GSAP: variants seen among roughly 807,000 people sequenced by gnomAD.
GSAP encodes gamma-secretase activating protein.
GSAP carries 118 observed loss-of-function variants against 131.7 expected under a neutral mutation model. The observed-to-expected ratio is 0.90, with a 90% CI of 0.77 to 1.04. The LOEUF (loss-of-function observed/expected upper bound fraction) is 1.04. Among genes scored for constraint, GSAP ranks in the 50% least tolerant of loss-of-function variants. The pLI is 0.00. For missense variants in GSAP, 1,019 were observed against 1,013.2 expected (o/e 1.01, Z -0.08); for synonymous variants, 381 against 363.4 (o/e 1.05, Z -0.55).
intron 5 of GSAP, among the ~76,000 whole-genome samples, chr7:77,388,226 T>C (rs1379844968): frequency 4.6e-5 from 7 of 152,248 alleles, no homozygotes; most frequent in Admixed American, 4.6e-4. Flanking sequence ...ATTTTTAGCA[T>C]AGCTCCACAA....
chr7:77,384,395 G>C (rs1798240168), intron 6 of GSAP, among the ~76,000 whole-genome samples: 2 of 152,216 alleles, frequency 1.3e-5, no homozygotes, highest in Non-Finnish European at 2.9e-5. Context: ...GGTGGTCCTA[G>C]AGTAAGGCCT....
Position 77,399,543 on chromosome 7 carries a change from T to G in GSAP, c.244-2128A>C, listed in dbSNP as rs1386997181. On this transcript the variant is annotated intron_variant, in intron 3 of 30. Transcript: ENST00000257626. ...TATGCACTACCAGGGAAGTCCTACA[T>G]GACAGAAGGTGGGAGAAAGAGGTAG... Among the ~76,000 whole-genome samples the G allele has an allele frequency of 2.6e-5, 4 of 152,126 alleles. No individual in the cohort carries two copies. In the South Asian group the frequency reaches 8.3e-4, roughly 32 times the overall value.
intron 7 of GSAP, 127 bp downstream of exon 7, chr7:77,382,447 T>C (rs1375377508): frequency 1.4e-5 from 8 of 582,076 alleles, no homozygotes; most frequent in South Asian, 6.8e-5. Flanking sequence ...AGGTCTCATA[T>C]GGACATCAAA....
chr7:77,377,399 G>C lies in GSAP; in HGVS notation c.577-9C>G. On this transcript the variant is annotated splice_polypyrimidine_tract_variant and intron_variant, in intron 8 of 30. Transcript: ENST00000257626. Reference sequence around the variant, plus strand: ...CCAGAATTTTTAATCACCTAAAAATGCAAAAAAAAAAAAAAAAAAAAAAGT... The same window carrying C: ...CCAGAATTTTTAATCACCTAAAAATCCAAAAAAAAAAAAAAAAAAAAAAGT... 1.1e-6 allele frequency: 1 copy of C among 948,212 alleles called. No homozygotes were observed. Among genetic ancestry groups the C allele is most frequent in the Admixed American group, 8.2e-5 (1 of 12,254 alleles). The allele number at this position is 948,212 out of a possible 1,614,324, so 58.7% of individuals were successfully genotyped here.
intron 22 of GSAP, chr7:77,328,133 C>T: frequency 2.5e-6 from 2 of 799,988 alleles, no homozygotes; most frequent in Non-Finnish European, 3.0e-6. Flanking sequence ...GCTCTCAAGC[C>T]TGTGCTCTTT....
chr7:77,385,784 T>TC (rs1043610596), intron 6 of GSAP, among the ~76,000 whole-genome samples: 1 of 151,990 alleles, frequency 6.6e-6, no homozygotes, highest in Admixed American at 6.6e-5. Flanking sequence ...GACAACCCTC[T>TC]CCCCTAACCC....
intron 5 of GSAP, among the ~76,000 whole-genome samples, chr7:77,390,128 G>A (rs982464522): frequency 5.9e-5 from 9 of 152,028 alleles, no homozygotes; most frequent in Non-Finnish European, 1.3e-4. Context: ...TTTTTGATGG[G>A]GTTGTTTGTT....
intron 19 of GSAP, among the ~76,000 whole-genome samples, chr7:77,346,393 C>T (rs1451509789): frequency 4.0e-5 from 6 of 149,354 alleles, no homozygotes; most frequent in Admixed American, 4.0e-4. Context: ...AACAGAAGAA[C>T]AATTGAGTTA....
intron 19 of GSAP, among the ~76,000 whole-genome samples, chr7:77,338,101 G>C (rs1790300502): frequency 6.6e-6 from 1 of 152,154 alleles, no homozygotes; most frequent in African/African-American, 2.4e-5. Flanking sequence ...GGAGGTCGAG[G>C]CTGCAGTGAG....
rs56314229 is a variant in GSAP, at chr7:77,377,400, CAAAA to C, written c.577-14_577-11del. ...CAGAATTTTTAATCACCTAAAAATG[CAAAA>C]AAAAAAAAAAAAAAAAAAGTATGAA... On this transcript the variant is annotated splice_polypyrimidine_tract_variant and intron_variant, in intron 8 of 30. Coordinates refer to ENST00000257626, the MANE Select transcript of GSAP (RefSeq NM_017439.4). 0.067 allele frequency: 77,058 copies of C among 1,152,898 alleles called. 48 individuals carry two copies. The highest frequency in any genetic ancestry group is 0.11 in the South Asian group (5,837 of 54,170). 71.4% of individuals were successfully genotyped at this position (1,152,898 alleles called of 1,614,324 possible). A position where few individuals can be genotyped will look rare whatever the true frequency, so the allele number is the denominator to read the frequency against.
At chr7:77,415,648 T>C (rs1397686974) in intron 1 of GSAP, 1 of 152,304 alleles carries the variant, frequency 6.6e-6, no homozygotes, top group African/African-American at 2.4e-5. Flanking sequence ...CCTGCCCTCT[T>C]GCGCCTCACC....
intron 19 of GSAP, among the ~76,000 whole-genome samples, chr7:77,344,133 C>A (rs1482501533): frequency 6.6e-6 from 1 of 152,168 alleles, no homozygotes; most frequent in Non-Finnish European, 1.5e-5. Flanking sequence ...GTCATTTCTT[C>A]CCTTCTGTCA....
Position 77,329,392 on chromosome 7 carries a change from C to G in GSAP, c.1675-1G>C. The G allele has an allele frequency of 1.3e-6, 2 of 1,572,496 alleles. No homozygotes were observed. Among genetic ancestry groups the G allele is most frequent in the South Asian group, 1.2e-5 (1 of 84,264 alleles). ...CCGCAGACCTTCTTTTTCCTGTTTT[C>G]TAGGAGTGAGAACACGTCAGAAATG... On this transcript the variant is annotated splice_acceptor_variant, in intron 20 of 30. Transcript: ENST00000257626. LOFTEE classifies it high-confidence loss of function.
At chr7:77,404,180 T>C (rs77339147) in intron 3 of GSAP, among the ~76,000 whole-genome samples, 2 of 152,166 alleles carry the variant, frequency 1.3e-5, no homozygotes, top group South Asian at 2.1e-4. Context: ...AATGACCAAA[T>C]GCCATAAACT....
At chr7:77,397,732 T>C (rs932889840) in intron 3 of GSAP, among the ~76,000 whole-genome samples, 1 of 152,354 alleles carries the variant, frequency 6.6e-6, no homozygotes, top group East Asian at 1.9e-4. Flanking sequence ...TGACCTTGGA[T>C]AAATTATTCA....
intron 1 of GSAP, among the ~76,000 whole-genome samples, chr7:77,409,518 T>G (rs1252070880): frequency 6.6e-6 from 1 of 152,190 alleles, no homozygotes; most frequent in Admixed American, 6.5e-5. Flanking sequence ...GGACTGAGTG[T>G]TCTGTATCAA....
At position 77,416,046 on chromosome 7, in the gene GSAP, G is replaced by A. The variant is rs1460821600; in HGVS notation, c.109+167C>T. On this transcript the variant is annotated intron_variant, in intron 1 of 30. Coordinates refer to ENST00000257626, the MANE Select transcript of GSAP (RefSeq NM_017439.4). ...CCCAGACCTTCCGCCGTGGCTGGGT[G>A]TGGGTGGCAAAGCCAAAACAGCCCT... is the stretch of plus-strand genomic sequence containing the variant. 2.6e-5 allele frequency among the ~76,000 whole-genome samples: 4 copies of A among 152,336 alleles called. No homozygotes were observed. In the South Asian group the frequency reaches 6.2e-4, roughly 24 times the overall value.
intron 19 of GSAP, among the ~76,000 whole-genome samples, chr7:77,341,833 C>T (rs1457684581): frequency 6.6e-6 from 1 of 151,908 alleles, no homozygotes; most frequent in Non-Finnish European, 1.5e-5. Flanking sequence ...CAAGTAGCAA[C>T]ATATTTCTGA....
chr7:77,326,047 C>T (rs1788293070), intron 23 of GSAP, among the ~76,000 whole-genome samples, 165 bp downstream of exon 23: 1 of 152,204 alleles, frequency 6.6e-6, no homozygotes, highest in Non-Finnish European at 1.5e-5. Context: ...GGGCAGAAAT[C>T]ATATGGGTTG....
Sources: gnomAD v4.1 joint callset for allele counts (sites outside exome capture counted in the v4.1 genomes callset) on GRCh38, gnomAD v4.1.1 for gene constraint, MANE v1.5 for transcripts, NCBI Gene and HGNC (gene_info 2026-07-23, HGNC 2026-07-21) for gene names.